The following P2RY14 variants were observed in gnomAD, a reference collection of about 807,000 sequenced individuals.
P2RY14 encodes purinergic receptor P2Y14.
P2RY14 carries 2 observed loss-of-function variants against 0.9 expected under a neutral mutation model. The observed-to-expected ratio is 2.16, with a 90% CI of 0.88 to 6.79. The LOEUF (loss-of-function observed/expected upper bound fraction) is 6.79, where lower values mean the gene tolerates loss of function less well. P2RY14 is among the 30% of genes most tolerant of loss of function. P2RY14 has a pLI of 0.05. For synonymous variants in P2RY14, 158 were observed against 147.2 expected, an observed-to-expected ratio of 1.07 and a Z score of -0.53; for missense variants, 378 against 400.1, an observed-to-expected ratio of 0.94 and a Z score of 0.47.
chr3:151,241,841 G>C (rs1378361456), intron 1 of P2RY14: 1 of 154,576 alleles, frequency 6.5e-6, no homozygotes, highest in Non-Finnish European at 1.4e-5. Context: ...CGACGCAGAA[G>C]ACGGTGATTT....
chr3:151,267,265 A>G (rs928057716), intron 1 of P2RY14, among the ~76,000 whole-genome samples: 1 of 152,162 alleles, frequency 6.6e-6, no homozygotes, highest in African/African-American at 2.4e-5. Context: ...GTACATTGTC[A>G]TTTAGAAAGG....
intron 1 of P2RY14, among the ~76,000 whole-genome samples, chr3:151,253,762 C>T (rs1019126510): frequency 1.3e-5 from 2 of 152,042 alleles, no homozygotes; most frequent in African/African-American, 4.8e-5. Context: ...TGCAGCCTCT[C>T]TCATCCATAT....
chr3:151,225,355 A>C (rs1379543726), intron 1 of P2RY14, among the ~76,000 whole-genome samples: 1 of 152,162 alleles, frequency 6.6e-6, no homozygotes, highest in African/African-American at 2.4e-5. Context: ...AATTTGGCTC[A>C]TGGTTCTGGA....
In P2RY14 at chr3:151,215,823, C is replaced by T. The variant is rs548224149; in HGVS notation, c.-24-1483G>A. Among the ~76,000 whole-genome samples, 4 of 152,312 alleles carry T rather than the reference C, an allele frequency of 2.6e-5. No homozygotes were observed. The South Asian group carries it at 8.3e-4, about 32-fold the overall frequency. ...TTCTGCCTCCTGCTTCCTCCACCCC[C>T]AGCACTGAGTTCCTGCTGTCCTGGG... On this transcript the variant is annotated intron_variant, in intron 2 of 2. Transcript: ENST00000309170.
At position 151,268,370 on chromosome 3, in the gene P2RY14, A is replaced by G. The variant is rs941958314; in HGVS notation, c.-133+9917T>C. ...GACATGGTAATTTTCTAACATATAT[A>G]CAAAGAGGAAGAAAATATGGTGAGC... is the stretch of plus-strand genomic sequence containing the variant. On this transcript the variant is annotated intron_variant, in intron 1 of 2. Transcript: ENST00000309170. Among the ~76,000 whole-genome samples, 9 of 152,180 alleles carry G rather than the reference A, an allele frequency of 5.9e-5. No individual in the cohort carries two copies. The South Asian group carries it at 1.7e-3, about 28-fold the overall frequency.
intron 1 of P2RY14, among the ~76,000 whole-genome samples, chr3:151,233,053 A>C (rs897117197): frequency 1.3e-5 from 2 of 152,180 alleles, no homozygotes; most frequent in African/African-American, 2.4e-5. Context: ...AAAAACACCA[A>C]CATTGTCCCT....
intron 1 of P2RY14, among the ~76,000 whole-genome samples, chr3:151,276,470 C>T (rs1054222295): frequency 1.3e-5 from 2 of 152,210 alleles, no homozygotes; most frequent in Non-Finnish European, 2.9e-5. Context: ...GTGTTGGTGT[C>T]AGCCTACCTC....
In P2RY14 at chr3:151,278,375, G is replaced by GTTC. The variant is rs1341867394; in HGVS notation, c.-224_-222dup. ...GGCTCCAAGGTAACACTGTTACAGA[G>GTTC]TTCTTGCTCATCTTCAACTACGGAT... is the stretch of plus-strand genomic sequence containing the variant. On this transcript the variant is annotated 5_prime_UTR_variant, in exon 1 of 3. Coordinates refer to ENST00000309170, the MANE Select transcript of P2RY14 (RefSeq NM_014879.4). The GTTC allele has an allele frequency of 6.6e-6, 1 of 152,190 alleles. No homozygotes were observed. The highest frequency in any genetic ancestry group is 6.5e-5 in the Admixed American group (1 of 15,280). The allele number at this position is 152,190 out of a possible 1,614,324, so 9.4% of individuals were successfully genotyped here. A position where few individuals can be genotyped will look rare whatever the true frequency, so the allele number is the denominator to read the frequency against.
At chr3:151,225,213 T>G (rs1256211557) in intron 1 of P2RY14, among the ~76,000 whole-genome samples, 6 of 152,322 alleles carry the variant, frequency 3.9e-5, no homozygotes, top group African/African-American at 1.4e-4. Flanking sequence ...CAGAAGTTGC[T>G]GTTCTCTCTC....
At chr3:151,275,417 T>C (rs1741689156) in intron 1 of P2RY14, among the ~76,000 whole-genome samples, 2 of 152,112 alleles carry the variant, frequency 1.3e-5, no homozygotes, top group Admixed American at 6.6e-5. Flanking sequence ...CCTTTGATGC[T>C]TTTCAAAAAC....
intron 1 of P2RY14, among the ~76,000 whole-genome samples, chr3:151,223,581 C>T (rs1472519437): frequency 6.6e-6 from 1 of 152,164 alleles, no homozygotes; most frequent in African/African-American, 2.4e-5. Context: ...TGAATTAACA[C>T]AGAAACAGAA....
chr3:151,213,839 T>C lies in P2RY14; in HGVS notation c.478A>G (p.Thr160Ala). Reference sequence around the variant, plus strand: ...GTAACCTCCCTAACACTCTGGTTGGTGAGAATAATATTTGGAACAGCAAGG... The same window carrying C: ...GTAACCTCCCTAACACTCTGGTTGGCGAGAATAATATTTGGAACAGCAAGG... ...LLLAVPNIILTNQSVREVTQI... is the reference protein window; with the variant it reads ...LLLAVPNIILANQSVREVTQI... The change falls in exon 3 of 3, where the codon ACC becomes GCC. Residue 160 changes from threonine to alanine, a missense_variant. Coordinates refer to ENST00000309170, the MANE Select transcript of P2RY14 (RefSeq NM_014879.4). 3.7e-6 allele frequency: 6 copies of C among 1,613,928 alleles called. No individual in the cohort carries two copies. Among genetic ancestry groups the C allele is most frequent in the Non-Finnish European group, 5.1e-6 (6 of 1,179,846 alleles).
At chr3:151,235,972 G>A (rs1004596525) in intron 1 of P2RY14, among the ~76,000 whole-genome samples, 5 of 151,950 alleles carry the variant, frequency 3.3e-5, no homozygotes, top group Non-Finnish European at 5.9e-5. Context: ...AAAAGTAATT[G>A]TGGTTTTTGT....
At chr3:151,253,275 A>G (rs552182672) in intron 1 of P2RY14, among the ~76,000 whole-genome samples, 2 of 152,318 alleles carry the variant, frequency 1.3e-5, no homozygotes, top group Non-Finnish European at 2.9e-5. Context: ...AGAGGCACGT[A>G]TACTGCACTC....
At position 151,214,309 on chromosome 3, in the gene P2RY14, T is replaced by A; in HGVS notation, c.8A>T (p.Asn3Ile). 1.2e-6 allele frequency: 2 copies of A among 1,612,354 alleles called. No individual in the cohort carries two copies. The highest frequency in any genetic ancestry group is 1.7e-6 in the Non-Finnish European group (2 of 1,179,086). Residue 3 changes from asparagine to isoleucine, a missense_variant, in exon 3 of 3, where the codon AAT becomes ATT. Transcript: ENST00000309170. The part of the protein sequence containing the change: MI[N>I]STSTQPPDES... ...ATCTGGAGGCTGTGTGGAGGTTGAA[T>A]TGATCATCTTGTAACTTCTGAAGGC...
rs145691814 is a variant in P2RY14 at position 151,225,606 on chromosome 3, C to T, written c.-132-5964G>A. Among the ~76,000 whole-genome samples, 46 of 152,296 alleles carry T rather than the reference C, an allele frequency of 3.0e-4. No homozygotes were observed. The East Asian group carries it at 8.3e-3, about 27-fold the overall frequency. ...TGAATTTTGAAACGGACACTCAAAC[C>T]GTAGCAGCTTTCTGTCAGATCCTAT... On this transcript the variant is annotated intron_variant, in intron 1 of 2. Coordinates refer to ENST00000309170, the MANE Select transcript of P2RY14 (RefSeq NM_014879.4).
chr3:151,263,327 G>A (rs942526113), intron 1 of P2RY14, among the ~76,000 whole-genome samples: 1 of 152,158 alleles, frequency 6.6e-6, no homozygotes, highest in Admixed American at 6.5e-5. Flanking sequence ...GTGAGCATCT[G>A]TTTCATTTTA....
chr3:151,218,570 T>G (rs1397455506), intron 2 of P2RY14, among the ~76,000 whole-genome samples: 1 of 152,034 alleles, frequency 6.6e-6, no homozygotes, highest in Non-Finnish European at 1.5e-5. Flanking sequence ...GCTAAACTTT[T>G]TAAAAAGGAA....
In P2RY14 at chr3:151,269,416, C is replaced by G. The variant is rs1740451548; in HGVS notation, c.-133+8871G>C. On this transcript the variant is annotated intron_variant, in intron 1 of 2. Transcript: ENST00000309170. ...ACTCCATCACACACACACACACACA[C>G]ACACACACACACACACACACACACA... 24 of 194,220 alleles carry G rather than the reference C, an allele frequency of 1.2e-4. No individual in the cohort carries two copies. In the South Asian group the frequency reaches 2.4e-3, roughly 19 times the overall value. The allele number at this position is 194,220 out of a possible 1,614,324, so 12.0% of individuals were successfully genotyped here.
Sources: gnomAD v4.1 joint callset for allele counts (sites outside exome capture counted in the v4.1 genomes callset) on GRCh38, gnomAD v4.1.1 for gene constraint, MANE v1.5 for transcripts, NCBI Gene and HGNC (gene_info 2026-07-23, HGNC 2026-07-21) for gene names.